LEKR1: variants seen among roughly 807,000 people sequenced by gnomAD.
LEKR1 encodes the protein leucine, glutamate and lysine rich 1, also known as protein LEKR1.
In LEKR1, 59 loss-of-function variants were observed where a neutral mutation model predicts 72.4. The ratio of observed to expected loss-of-function variants is 0.82; its 90% CI spans 0.66 to 1.01. The LOEUF is 1.01. Among genes scored for constraint, LEKR1 ranks in the 50% least tolerant of loss-of-function variants. LEKR1 has a pLI of 0.00. For synonymous variants in LEKR1, 257 were observed against 263.2 expected, an observed-to-expected ratio of 0.98 and a Z score of 0.23; for missense variants, 728 against 759.2, an observed-to-expected ratio of 0.96 and a Z score of 0.48.
At chr3:156,836,153 C>T (rs1298646354) in intron 2 of LEKR1, among the ~76,000 whole-genome samples, 1 of 151,904 alleles carries the variant, frequency 6.6e-6, no homozygotes, top group African/African-American at 2.4e-5. Flanking sequence ...TTTTACAGGC[C>T]TAAGCCACCA....
chr3:156,873,301 A>G (rs1718180701), intron 3 of LEKR1, among the ~76,000 whole-genome samples: 1 of 151,726 alleles, frequency 6.6e-6, no homozygotes, highest in Non-Finnish European at 1.5e-5. Flanking sequence ...TTCATTCTAT[A>G]TGTCTTTACA....
intron 6 of LEKR1, among the ~76,000 whole-genome samples, chr3:156,957,544 A>C (rs557687612): frequency 1.1e-4 from 17 of 151,826 alleles, no homozygotes; most frequent in African/African-American, 3.9e-4. Context: ...GAAAAAAAAA[A>C]CTCCTCAAAA....
chr3:156,936,558 G>A (rs1028948159), intron 5 of LEKR1, among the ~76,000 whole-genome samples: 3 of 151,346 alleles, frequency 2.0e-5, no homozygotes, highest in East Asian at 1.9e-4. Context: ...TATCGTATTC[G>A]TTTCTCATTT....
At chr3:157,014,811 T>C (rs1733179427) in intron 10 of LEKR1, among the ~76,000 whole-genome samples, 1 of 152,164 alleles carries the variant, frequency 6.6e-6, no homozygotes, top group African/African-American at 2.4e-5. Context: ...ATTATGACAT[T>C]ATTATTTCCA....
intron 3 of LEKR1, among the ~76,000 whole-genome samples, chr3:156,905,119 G>A (rs1722408933): frequency 6.6e-6 from 1 of 151,984 alleles, no homozygotes; most frequent in African/African-American, 2.4e-5. Context: ...TGAATGTATG[G>A]TATCAAAGTC....
At chr3:156,941,458 A>G (rs1268853813) in intron 5 of LEKR1, among the ~76,000 whole-genome samples, 1 of 152,042 alleles carries the variant, frequency 6.6e-6, no homozygotes, top group African/African-American at 2.4e-5. Flanking sequence ...TGCTGGCCAA[A>G]TTACCTCTAC....
At chr3:156,858,936 G>A (rs1301774631) in intron 3 of LEKR1, among the ~76,000 whole-genome samples, 1 of 152,110 alleles carries the variant, frequency 6.6e-6, no homozygotes, top group Non-Finnish European at 1.5e-5. Context: ...TTGGAGGAAT[G>A]TTTTTAAATT....
chr3:156,994,662 C>G (rs1401592599), intron 9 of LEKR1, among the ~76,000 whole-genome samples: 1 of 152,074 alleles, frequency 6.6e-6, no homozygotes, highest in Non-Finnish European at 1.5e-5. Context: ...AGAGATAAAA[C>G]CTATATATGC....
At chr3:156,850,526 C>G (rs1190922888) in intron 2 of LEKR1, among the ~76,000 whole-genome samples, 1 of 152,152 alleles carries the variant, frequency 6.6e-6, no homozygotes, top group Non-Finnish European at 1.5e-5. Flanking sequence ...CTTTCTGGAG[C>G]TACAGTGTCC....
In LEKR1 at chr3:156,993,294, T is replaced by TTTACATTTG. The variant is rs760410762; in HGVS notation, c.1109+19_1109+20insACATTTGTT. ...AAATGAAAGGTGCAGTAAACAATAA[T>TTTACATTTG]TTCTTACAAAAACATTTTATGTTTA... On this transcript the variant is annotated intron_variant, in intron 9 of 12. Transcript: ENST00000356539. The TTTACATTTG allele has an allele frequency of 6.6e-7, 1 of 1,517,876 alleles. No individual in the cohort carries two copies. Among genetic ancestry groups the TTTACATTTG allele is most frequent in the Non-Finnish European group, 8.9e-7 (1 of 1,120,966 alleles). 94.0% of individuals were successfully genotyped at this position (1,517,876 alleles called of 1,614,324 possible).
chr3:157,018,166 A>G (rs1733529100), intron 10 of LEKR1, among the ~76,000 whole-genome samples: 1 of 152,190 alleles, frequency 6.6e-6, no homozygotes, highest in Non-Finnish European at 1.5e-5. Flanking sequence ...GCAAAAACTG[A>G]TAGAACTGTG....
rs551947072 is a variant in LEKR1 at position 156,870,992 on chromosome 3, C to T, written c.263+18010C>T. ...TTATTATACTTTAAGTTTTAGGGTA[C>T]ATGTGCACAATGTGCAGGTTAGTTA... On this transcript the variant is annotated intron_variant, in intron 3 of 12. Coordinates refer to ENST00000356539, the MANE Select transcript of LEKR1 (RefSeq NM_001004316.3). 2.4e-4 allele frequency among the ~76,000 whole-genome samples: 37 copies of T among 151,942 alleles called. No individual in the cohort carries two copies. In the South Asian group the frequency reaches 7.7e-3, roughly 32 times the overall value.
At position 156,905,306 on chromosome 3, in the gene LEKR1, C is replaced by T. The variant is rs142093729; in HGVS notation, c.264-15269C>T. On this transcript the variant is annotated intron_variant, in intron 3 of 12. Transcript: ENST00000356539. ...GTACTAAAAGTACATTGATATTATA[C>T]AGGATAATGACTCTTCAGTATAAAA... is the stretch of plus-strand genomic sequence containing the variant. Among the ~76,000 whole-genome samples the T allele has an allele frequency of 3.4e-3, 515 of 152,162 alleles. 2 individuals are homozygous for T. The highest frequency in any genetic ancestry group is 0.012 in the African/African-American group (489 of 41,510).
intron 7 of LEKR1, among the ~76,000 whole-genome samples, chr3:156,989,328 C>T (rs181551040): frequency 3.3e-5 from 5 of 152,294 alleles, no homozygotes; most frequent in South Asian, 2.1e-4. Flanking sequence ...GGAAAATTCA[C>T]GTAGCTAAGT....
intron 6 of LEKR1, among the ~76,000 whole-genome samples, chr3:156,962,870 T>A (rs1728245201): frequency 6.6e-6 from 1 of 152,168 alleles, no homozygotes; most frequent in Non-Finnish European, 1.5e-5. Context: ...ACCTCCAACA[T>A]CATTTTCTTA....
intron 3 of LEKR1, among the ~76,000 whole-genome samples, chr3:156,886,635 T>G (rs1720122782): frequency 6.6e-6 from 1 of 152,182 alleles, no homozygotes; most frequent in African/African-American, 2.4e-5. Context: ...TTCCCACTGC[T>G]ACTTCTACTT....
At chr3:156,984,770 GACT>G (rs1730532827) in intron 7 of LEKR1, among the ~76,000 whole-genome samples, 1 of 151,548 alleles carries the variant, frequency 6.6e-6, no homozygotes, top group Non-Finnish European at 1.5e-5. Flanking sequence ...GCTAACACAG[GACT>G]TACATTTTAA....
intron 12 of LEKR1, among the ~76,000 whole-genome samples, chr3:157,029,598 G>C (rs1009227779): frequency 6.6e-6 from 1 of 152,080 alleles, no homozygotes; most frequent in African/African-American, 2.4e-5. Flanking sequence ...TTATAATTAA[G>C]ACAAAAAGAT....
chr3:156,939,123 C>A (rs1725978147), intron 5 of LEKR1, among the ~76,000 whole-genome samples: 1 of 152,092 alleles, frequency 6.6e-6, no homozygotes, highest in Admixed American at 6.6e-5. Flanking sequence ...AATTCATATA[C>A]TGAAATGTTA....
Sources: gnomAD v4.1 joint callset for allele counts (sites outside exome capture counted in the v4.1 genomes callset) on GRCh38, gnomAD v4.1.1 for gene constraint, MANE v1.5 for transcripts, NCBI Gene and HGNC (gene_info 2026-07-23, HGNC 2026-07-21) for gene names.